RAD51B: variants seen among roughly 807,000 people sequenced by gnomAD.
The protein encoded by RAD51B is RAD51 paralog B.
Under a neutral mutation model 42.2 loss-of-function variants are expected in RAD51B, and 38 were observed. That is an observed-to-expected ratio of 0.90 (90% confidence interval 0.70 to 1.18). RAD51B has a LOEUF of 1.18. Among genes scored for constraint, RAD51B ranks in the 50% most tolerant of loss-of-function variants. The pLI is 0.00. For missense variants in RAD51B, 373 were observed against 400.7 expected (o/e 0.93, Z 0.59); for synonymous variants, 154 against 145.2 (o/e 1.06, Z -0.43).
intron 10 of RAD51B, among the ~76,000 whole-genome samples, chr14:68,534,603 T>C (rs2842337): frequency 0.91 from 139,043 of 152,132 alleles, 64,568 homozygotes; most frequent in Non-Finnish European, 0.99. Flanking sequence ...AATCAGGTTT[T>C]GGTGAAGGCG....
At position 68,477,689 on chromosome 14, in the gene RAD51B, T is replaced by C. The variant is rs1410140451; in HGVS notation, c.*25T>C. On this transcript the variant is annotated 3_prime_UTR_variant, in exon 11 of 11. Coordinates refer to ENST00000471583, the MANE Select transcript of RAD51B (RefSeq NM_133510.4). ...GGGATACTGTGACCTTTGTCTAGAG[T>C]TGATGGGGGTGTGATTTGTGAAATA... The C allele has an allele frequency of 6.2e-7, 1 of 1,610,748 alleles. No homozygotes were observed. Among genetic ancestry groups the C allele is most frequent in the Non-Finnish European group, 8.5e-7 (1 of 1,179,172 alleles).
At chr14:68,039,473 T>A (rs1413654970) in intron 7 of RAD51B, among the ~76,000 whole-genome samples, 1 of 150,174 alleles carries the variant, frequency 6.7e-6, no homozygotes, top group South Asian at 2.1e-4. Flanking sequence ...ATAACCATTA[T>A]ACTATGAATA....
At chr14:67,910,555 A>AT (rs1422218756) in intron 7 of RAD51B, among the ~76,000 whole-genome samples, 1 of 151,156 alleles carries the variant, frequency 6.6e-6, no homozygotes, top group Non-Finnish European at 1.5e-5. Flanking sequence ...GATATTGCTC[A>AT]TTTTTTGACT....
intron 10 of RAD51B, among the ~76,000 whole-genome samples, chr14:68,610,284 G>A (rs913180437): frequency 2.0e-5 from 3 of 152,138 alleles, no homozygotes; most frequent in African/African-American, 7.2e-5. Flanking sequence ...GATGCCTGAA[G>A]GAGCTTCTGC....
rs537522313 is a variant in RAD51B at position 68,147,183 on chromosome 14, A to T, written c.757-144701A>T. Among the ~76,000 whole-genome samples, 35 of 152,332 alleles carry T rather than the reference A, an allele frequency of 2.3e-4. No individual in the cohort carries two copies. The South Asian group carries it at 7.2e-3, about 32-fold the overall frequency. On this transcript the variant is annotated intron_variant, in intron 7 of 10. Coordinates refer to ENST00000471583, the MANE Select transcript of RAD51B (RefSeq NM_133510.4). ...ATGTATTTTAAAAACATCAACTGAG[A>T]TCTATAAACCTACGAGAAATAGTTG...
intron 7 of RAD51B, among the ~76,000 whole-genome samples, chr14:68,050,921 A>G (rs2076382941): frequency 6.6e-6 from 1 of 151,780 alleles, no homozygotes; most frequent in African/African-American, 2.4e-5. Flanking sequence ...TGTTAAGAAA[A>G]TCCTTCTAAG....
intron 7 of RAD51B, among the ~76,000 whole-genome samples, chr14:68,252,346 C>T (rs1025752473): frequency 6.6e-6 from 1 of 152,152 alleles, no homozygotes; most frequent in Non-Finnish European, 1.5e-5. Flanking sequence ...GAAATAAGAG[C>T]CATCTAAAAT....
At chr14:68,187,184 G>A (rs996617561) in intron 7 of RAD51B, among the ~76,000 whole-genome samples, 7 of 152,154 alleles carry the variant, frequency 4.6e-5, no homozygotes, top group African/African-American at 1.4e-4. Flanking sequence ...GATGGCAACA[G>A]TCAACACTGG....
At chr14:67,912,612 A>G (rs541841720) in intron 7 of RAD51B, among the ~76,000 whole-genome samples, 13 of 152,302 alleles carry the variant, frequency 8.5e-5, no homozygotes, top group Admixed American at 6.5e-5. Context: ...AAAAGTAGAG[A>G]TACAAACAAT....
intron 3 of RAD51B, among the ~76,000 whole-genome samples, chr14:67,826,508 C>T (rs960667925): frequency 6.6e-6 from 1 of 152,084 alleles, no homozygotes; most frequent in Non-Finnish European, 1.5e-5. Context: ...CGGTGCTTTG[C>T]AAATGTATTT....
rs547470852 is a variant in RAD51B, at chr14:68,103,351, T to C, written c.757-188533T>C. 1.3e-3 allele frequency among the ~76,000 whole-genome samples: 197 copies of C among 152,318 alleles called. 1 individual carries two copies. The highest frequency in any genetic ancestry group is 2.2e-3 in the Non-Finnish European group (150 of 68,030). ...ATCTCTTTTTCTATCATACCTCTTA[T>C]GAGAAACTAGAAAATAAATTACCAC... On this transcript the variant is annotated intron_variant, in intron 7 of 10. Transcript: ENST00000471583.
At position 68,411,422 on chromosome 14, in the gene RAD51B, A is replaced by G. The variant is rs770749467; in HGVS notation, c.854-2A>G. 6.8e-6 allele frequency: 11 copies of G among 1,613,588 alleles called. No individual in the cohort carries two copies. Among genetic ancestry groups the G allele is most frequent in the East Asian group, 6.7e-5 (3 of 44,884 alleles). ...AAGCGTGCTTTTACCATTTCATTTC[A>G]GGCACTTCTGGATCCAGCTGTGTGA... On this transcript the variant is annotated splice_acceptor_variant, in intron 8 of 10. Coordinates refer to ENST00000471583, the MANE Select transcript of RAD51B (RefSeq NM_133510.4). LOFTEE classifies it high-confidence loss of function.
Position 68,292,105 on chromosome 14 carries a change from C to T in RAD51B, c.853+125C>T, listed in dbSNP as rs186656078. 2.6e-4 allele frequency: 215 copies of T among 840,702 alleles called. 1 individual carries two copies. In the East Asian group the frequency reaches 3.7e-3, roughly 14 times the overall value. The allele number at this position is 840,702 out of a possible 1,614,324, so 52.1% of individuals were successfully genotyped here. A position where few individuals can be genotyped will look rare whatever the true frequency, so the allele number is the denominator to read the frequency against. ...CCTGGCCAGTGAACCCAGCCGGAGCCTGTTGATTTAGGTTTGGCCACCTTT... is the reference window on the plus strand; with the variant it reads ...CCTGGCCAGTGAACCCAGCCGGAGCTTGTTGATTTAGGTTTGGCCACCTTT... On this transcript the variant is annotated intron_variant, in intron 8 of 10. Transcript: ENST00000471583.
intron 7 of RAD51B, among the ~76,000 whole-genome samples, chr14:68,287,791 G>T (rs1453771443): frequency 6.6e-6 from 1 of 152,178 alleles, no homozygotes; most frequent in African/African-American, 2.4e-5. Context: ...AATCAGCAAA[G>T]GATAACTAAT....
At chr14:68,329,639 A>T (rs1278336934) in intron 8 of RAD51B, among the ~76,000 whole-genome samples, 2 of 152,234 alleles carry the variant, frequency 1.3e-5, no homozygotes, top group Admixed American at 6.5e-5. Context: ...CTTTAAAAAG[A>T]TCATCTTAAA....
intron 10 of RAD51B, among the ~76,000 whole-genome samples, chr14:68,602,724 C>T (rs957461924): frequency 6.6e-6 from 1 of 152,160 alleles, no homozygotes; most frequent in African/African-American, 2.4e-5. Context: ...TACTCAAAGT[C>T]TACTGATGGA....
chr14:67,981,309 A>G (rs1195664231), intron 7 of RAD51B, among the ~76,000 whole-genome samples: 4 of 152,218 alleles, frequency 2.6e-5, no homozygotes, highest in African/African-American at 7.2e-5. Flanking sequence ...AAGACTAACC[A>G]TATGAAATGT....
At chr14:68,576,892 A>G (rs1287908263) in intron 10 of RAD51B, among the ~76,000 whole-genome samples, 9 of 152,192 alleles carry the variant, frequency 5.9e-5, no homozygotes, top group Admixed American at 3.3e-4. Flanking sequence ...AAGTATTTCA[A>G]GATCAAGATA....
chr14:68,592,789 A>G (rs1890813732), intron 10 of RAD51B, among the ~76,000 whole-genome samples: 1 of 152,228 alleles, frequency 6.6e-6, no homozygotes, highest in South Asian at 2.1e-4. Flanking sequence ...GCATTTTGGC[A>G]TTGATTCCCT....
Sources: allele counts gnomAD v4.1 joint callset (sites outside exome capture counted in the v4.1 genomes callset), GRCh38; gene constraint gnomAD v4.1.1; transcripts MANE v1.5; gene names NCBI Gene and HGNC (gene_info 2026-07-23, HGNC 2026-07-21).